The following FMN1 variants were observed in gnomAD, a reference collection of about 807,000 sequenced individuals.
FMN1 encodes formin-1.
A neutral mutation model predicts 132.4 loss-of-function variants in FMN1; 110 were observed. The ratio of observed to expected loss-of-function variants is 0.83; its 90% CI spans 0.71 to 0.97. The LOEUF (loss-of-function observed/expected upper bound fraction) is 0.97, where lower values mean the gene tolerates loss of function less well. FMN1 is among the 50% of genes least tolerant of loss of function. The pLI, the probability that FMN1 is intolerant of heterozygous loss-of-function variation, is 0.00. For synonymous variants in FMN1, 722 were observed against 651.7 expected (o/e 1.11, Z -1.64); for missense variants, 1,792 against 1,705.3 (o/e 1.05, Z -0.90).
chr15:32,825,163 A>G (rs1010040740), intron 17 of FMN1, among the ~76,000 whole-genome samples: 1 of 152,220 alleles, frequency 6.6e-6, no homozygotes, highest in Non-Finnish European at 1.5e-5. Context: ...CACCTGAGCT[A>G]CTTCAGTAAC....
chr15:32,903,039 T>C (rs981388032), intron 12 of FMN1, among the ~76,000 whole-genome samples: 7 of 152,244 alleles, frequency 4.6e-5, no homozygotes, highest in African/African-American at 1.7e-4. Flanking sequence ...CCTACTTCTT[T>C]CTATACCGAA....
chr15:33,071,396 A>C (rs949990821), intron 5 of FMN1, among the ~76,000 whole-genome samples: 1 of 152,214 alleles, frequency 6.6e-6, no homozygotes, highest in Non-Finnish European at 1.5e-5. Context: ...TCCTTCATTT[A>C]TGAAGCATGA....
chr15:33,132,827 G>C (rs143686765), intron 4 of FMN1, among the ~76,000 whole-genome samples: 1 of 152,082 alleles, frequency 6.6e-6, no homozygotes, highest in African/African-American at 2.4e-5. Context: ...GCCTGGACCT[G>C]TACCTCTTTG....
At chr15:33,014,108 G>A (rs765610883) in intron 6 of FMN1, among the ~76,000 whole-genome samples, 1 of 152,198 alleles carries the variant, frequency 6.6e-6, no homozygotes, top group Non-Finnish European at 1.5e-5. Context: ...CAGAATCCCT[G>A]GGCAGCATGT....
intron 6 of FMN1, chr15:33,063,608 T>C (rs2037584362): frequency 6.6e-6 from 1 of 152,218 alleles, no homozygotes; most frequent in African/African-American, 2.4e-5. Context: ...CCCTCATTGA[T>C]ACAGTCATAT....
intron 6 of FMN1, among the ~76,000 whole-genome samples, chr15:33,033,403 C>T (rs2036038215): frequency 6.6e-6 from 1 of 152,158 alleles, no homozygotes; most frequent in Non-Finnish European, 1.5e-5. Flanking sequence ...ATCCTCCCGC[C>T]TACCACAGTC....
chr15:33,072,391 C>T lies in FMN1; in HGVS notation c.2044-7317G>A, dbSNP rs180988619. 2.1e-3 allele frequency among the ~76,000 whole-genome samples: 322 copies of T among 152,218 alleles called. 1 individual carries two copies. The highest frequency in any genetic ancestry group is 7.4e-3 in the African/African-American group (309 of 41,536). ...TTTGGGTATATGGGTGATCAATCTT[C>T]CAAGTAGATGGAGGGACAACTCTAA... On this transcript the variant is annotated intron_variant, in intron 5 of 20. Transcript: ENST00000616417.
chr15:32,905,529 G>C (rs1042112845), intron 12 of FMN1, among the ~76,000 whole-genome samples: 4 of 152,168 alleles, frequency 2.6e-5, no homozygotes, highest in South Asian at 2.1e-4. Flanking sequence ...GGCAGCATAA[G>C]AGTCAACGGC....
At chr15:32,905,900 T>C (rs577374663) in intron 12 of FMN1, among the ~76,000 whole-genome samples, 1 of 152,226 alleles carries the variant, frequency 6.6e-6, no homozygotes, top group African/African-American at 2.4e-5. Context: ...GGCCCCCATC[T>C]ATCCGTGCCT....
intron 3 of FMN1, among the ~76,000 whole-genome samples, chr15:33,172,498 C>T (rs984008128): frequency 6.6e-6 from 1 of 152,122 alleles, no homozygotes; most frequent in African/African-American, 2.4e-5. Flanking sequence ...GCCATCTGCA[C>T]AGGGAGGAGC....
At position 33,136,589 on chromosome 15, in the gene FMN1, G is replaced by A. The variant is rs1963776869; in HGVS notation, c.1867+16459C>T. On this transcript the variant is annotated intron_variant, in intron 4 of 20. Transcript: ENST00000616417. ...TCCTAAAAACAGAAGCAAGGATCGT[G>A]GTAATGGCTCTACAGGGTTTGGCTC... 7.9e-5 allele frequency among the ~76,000 whole-genome samples: 12 copies of A among 152,230 alleles called. No homozygotes were observed. The South Asian group carries it at 2.5e-3, about 32-fold the overall frequency.
intron 17 of FMN1, among the ~76,000 whole-genome samples, chr15:32,848,999 T>TTTTTTTTTTTTTTTC (rs1304625395): frequency 6.9e-6 from 1 of 145,004 alleles, no homozygotes; most frequent in African/African-American, 2.6e-5. Flanking sequence ...TTTTTTTTTT[T>TTTTTTTTTTTTTTTC]CAGAGACAGA....
At chr15:32,796,159 AC>A (rs2140966637) in intron 19 of FMN1, among the ~76,000 whole-genome samples, 1 of 152,348 alleles carries the variant, frequency 6.6e-6, no homozygotes, top group African/African-American at 2.4e-5. Context: ...CATGAAAACT[AC>A]CTAAGCAGGA....
intron 16 of FMN1, among the ~76,000 whole-genome samples, chr15:32,859,966 A>G (rs1235306027): frequency 6.6e-6 from 1 of 152,014 alleles, no homozygotes; most frequent in Non-Finnish European, 1.5e-5. Context: ...TCTGCCCAGG[A>G]GTTCGAGGCT....
intron 17 of FMN1, among the ~76,000 whole-genome samples, chr15:32,807,591 G>C (rs2057726634): frequency 6.6e-6 from 1 of 152,210 alleles, no homozygotes; most frequent in South Asian, 2.1e-4. Flanking sequence ...CTTCCAAGCT[G>C]TGTGTGCTAA....
At position 33,128,757 on chromosome 15, in the gene FMN1, C is replaced by T. The variant is rs536802622; in HGVS notation, c.1867+24291G>A. ...AAGGTGATGTGGTGAATTTTAAAGCCCTTAAAAGTGGTATGGACCCAAACG... is the reference window on the plus strand; with the variant it reads ...AAGGTGATGTGGTGAATTTTAAAGCTCTTAAAAGTGGTATGGACCCAAACG... On this transcript the variant is annotated intron_variant, in intron 4 of 20. Transcript: ENST00000616417. Among the ~76,000 whole-genome samples the T allele has an allele frequency of 1.4e-4, 21 of 152,256 alleles. No homozygotes were observed. In the South Asian group the frequency reaches 1.7e-3, roughly 12 times the overall value.
chr15:32,974,293 G>T (rs2032025674), intron 7 of FMN1, among the ~76,000 whole-genome samples: 1 of 152,102 alleles, frequency 6.6e-6, no homozygotes, highest in Non-Finnish European at 1.5e-5. Flanking sequence ...CAGGTGCTGA[G>T]GTTTGATATC....
chr15:33,174,970 G>C (rs938349361), intron 3 of FMN1, among the ~76,000 whole-genome samples: 1 of 152,046 alleles, frequency 6.6e-6, no homozygotes, highest in East Asian at 1.9e-4. Flanking sequence ...CTTTTAGAAA[G>C]AATTTTTCTT....
intron 19 of FMN1, among the ~76,000 whole-genome samples, chr15:32,792,246 T>C (rs943732395): frequency 1.4e-5 from 2 of 140,080 alleles, no homozygotes; most frequent in East Asian, 2.1e-4. Flanking sequence ...GAGACCATCC[T>C]GGCTAACACA....
Sources: gnomAD v4.1 joint callset for allele counts (sites outside exome capture counted in the v4.1 genomes callset) on GRCh38, gnomAD v4.1.1 for gene constraint, MANE v1.5 for transcripts, NCBI Gene and HGNC (gene_info 2026-07-23, HGNC 2026-07-21) for gene names.